The following LRBA variants were observed in gnomAD, a reference collection of about 807,000 sequenced individuals.
LRBA encodes lipopolysaccharide-responsive and beige-like anchor protein.
A neutral mutation model predicts 330.0 loss-of-function variants in LRBA; 176 were observed. The observed-to-expected ratio is 0.53, with a 90% CI of 0.47 to 0.60. The LOEUF (loss-of-function observed/expected upper bound fraction) is 0.60. Ranked by LOEUF, LRBA falls within the 20% of genes least tolerant of loss-of-function variation. The probability of loss-of-function intolerance (pLI) is 0.00; values close to 1 mark genes in which losing one functional copy is unlikely to be tolerated. For synonymous variants in LRBA, 1,230 were observed against 1,193.0 expected (o/e 1.03, Z -0.64); for missense variants, 3,259 against 3,444.8 (o/e 0.95, Z 1.35).
intron 28 of LRBA, chr4:150,841,036 A>G: frequency 2.5e-6 from 3 of 1,214,388 alleles, no homozygotes; most frequent in Non-Finnish European, 3.2e-6. Context: ...GCAGGTTCAT[A>G]TGTAATGACT....
chr4:150,786,726 A>G (rs539651039), intron 34 of LRBA, among the ~76,000 whole-genome samples: 4 of 152,296 alleles, frequency 2.6e-5, no homozygotes, highest in Non-Finnish European at 4.4e-5. Context: ...AAAAAACCCT[A>G]GTCTCCAAAT....
chr4:150,954,301 C>T (rs1001464302), intron 2 of LRBA, among the ~76,000 whole-genome samples: 26 of 152,034 alleles, frequency 1.7e-4, no homozygotes, highest in African/African-American at 6.0e-4. Flanking sequence ...GCCATGATGA[C>T]GATGGCGGTT....
intron 22 of LRBA, among the ~76,000 whole-genome samples, chr4:150,862,264 C>T (rs373071327): frequency 6.6e-6 from 1 of 152,146 alleles, no homozygotes; most frequent in Non-Finnish European, 1.5e-5. Context: ...CAATAGCAAA[C>T]ACTTGCAGCC....
chr4:150,577,085 T>C (rs1252651605), intron 40 of LRBA, among the ~76,000 whole-genome samples: 1 of 151,906 alleles, frequency 6.6e-6, no homozygotes, highest in Non-Finnish European at 1.5e-5. Flanking sequence ...GATTCCAGAA[T>C]AATAATTACA....
intron 40 of LRBA, among the ~76,000 whole-genome samples, chr4:150,535,892 T>C (rs1764606442): frequency 6.6e-6 from 1 of 152,240 alleles, no homozygotes; most frequent in East Asian, 1.9e-4. Context: ...ACATGACTAA[T>C]GGGGGTCAGC....
At chr4:150,978,208 C>T (rs1432179564) in intron 2 of LRBA, among the ~76,000 whole-genome samples, 2 of 152,240 alleles carry the variant, frequency 1.3e-5, no homozygotes, top group African/African-American at 4.8e-5. Context: ...GAGCAACATA[C>T]CATTTGTTTG....
At chr4:150,656,024 G>C (rs1283060249) in intron 37 of LRBA, among the ~76,000 whole-genome samples, 10 of 152,120 alleles carry the variant, frequency 6.6e-5, no homozygotes, top group African/African-American at 2.2e-4. Flanking sequence ...TTAGAGGGTA[G>C]GGTAGAAGAT....
chr4:150,480,163 G>A (rs575153816), intron 42 of LRBA, among the ~76,000 whole-genome samples: 1 of 152,136 alleles, frequency 6.6e-6, no homozygotes, highest in South Asian at 2.1e-4. Flanking sequence ...ACTATGAAAG[G>A]AAATAATCAG....
At chr4:150,656,856 T>C (rs1780237903) in intron 37 of LRBA, among the ~76,000 whole-genome samples, 1 of 152,230 alleles carries the variant, frequency 6.6e-6, no homozygotes. Flanking sequence ...TAAATGAGCA[T>C]TATTCATAAG....
chr4:150,331,901 A>G (rs758403320), intron 48 of LRBA, among the ~76,000 whole-genome samples: 1 of 152,196 alleles, frequency 6.6e-6, no homozygotes, highest in Non-Finnish European at 1.5e-5. Context: ...ATATTAGCTC[A>G]GTGATTCTGG....
chr4:150,575,129 T>A (rs1770382876), intron 40 of LRBA, among the ~76,000 whole-genome samples: 1 of 152,090 alleles, frequency 6.6e-6, no homozygotes, highest in Admixed American at 6.5e-5. Context: ...AACCTTGATA[T>A]CCATAGGCCA....
chr4:150,831,298 G>A (rs1030830925), intron 29 of LRBA, among the ~76,000 whole-genome samples: 2 of 150,102 alleles, frequency 1.3e-5, no homozygotes, highest in African/African-American at 4.9e-5. Flanking sequence ...TAGAATATAA[G>A]CTCCATAAGG....
intron 44 of LRBA, among the ~76,000 whole-genome samples, chr4:150,452,544 C>A (rs1384647699): frequency 6.6e-6 from 1 of 151,696 alleles, no homozygotes; most frequent in East Asian, 1.9e-4. Context: ...ATCGCTTGAA[C>A]CCGGGAGGCA....
chr4:150,950,605 T>C (rs1224135276), intron 2 of LRBA, among the ~76,000 whole-genome samples: 1 of 152,080 alleles, frequency 6.6e-6, no homozygotes, highest in East Asian at 1.9e-4. Flanking sequence ...TAGATCTTTA[T>C]AATAATTTCA....
At chr4:150,871,762 C>T (rs566613633) in intron 18 of LRBA, among the ~76,000 whole-genome samples, 1 of 151,948 alleles carries the variant, frequency 6.6e-6, no homozygotes, top group Non-Finnish European at 1.5e-5. Context: ...GAAGTTGCTA[C>T]AATCTACCAG....
Position 150,914,184 on chromosome 4 carries a change from A to C in LRBA, c.1161+11T>G. The C allele has an allele frequency of 6.3e-7, 1 of 1,598,692 alleles. No homozygotes were observed. The highest frequency in any genetic ancestry group is 8.5e-7 in the Non-Finnish European group (1 of 1,171,414). On this transcript the variant is annotated intron_variant, in intron 9 of 56. Transcript: ENST00000651943. The stretch of plus-strand genomic sequence containing the variant: ...TAACATTGGTTAAGCACAAAACAGT[A>C]AGCAAACTACCTTGTATCCCAGGCC...
chr4:150,548,833 C>T (rs1482812410), intron 40 of LRBA, among the ~76,000 whole-genome samples: 2 of 152,044 alleles, frequency 1.3e-5, no homozygotes, highest in African/African-American at 2.4e-5. Context: ...GTTGCTATTA[C>T]CTGTTTTTCC....
rs767885591 is a variant in LRBA at position 150,831,800 on chromosome 4, A to G, written c.4729+17T>C. ...TATTTGAACTTTGGTACAAAGGAATAGAAAATGCAAACTTACCAGAGAGTG... is the reference window on the plus strand; with the variant it reads ...TATTTGAACTTTGGTACAAAGGAATGGAAAATGCAAACTTACCAGAGAGTG... On this transcript the variant is annotated intron_variant, in intron 29 of 56. Coordinates refer to ENST00000651943, the MANE Select transcript of LRBA (RefSeq NM_001364905.1). 1.9e-6 allele frequency: 3 copies of G among 1,569,188 alleles called. No homozygotes were observed. Among genetic ancestry groups the G allele is most frequent in the South Asian group, 2.4e-5 (2 of 82,156 alleles).
At chr4:150,968,828 A>T (rs567273630) in intron 2 of LRBA, among the ~76,000 whole-genome samples, 1 of 152,304 alleles carries the variant, frequency 6.6e-6, no homozygotes, top group African/African-American at 2.4e-5. Context: ...ACAGATATGA[A>T]ATCAATGCCT....
Sources: gnomAD v4.1 joint callset for allele counts (sites outside exome capture counted in the v4.1 genomes callset) on GRCh38, gnomAD v4.1.1 for gene constraint, MANE v1.5 for transcripts, NCBI Gene and HGNC (gene_info 2026-07-23, HGNC 2026-07-21) for gene names.